Variants in LRATD1 observed in about 807,000 individuals in gnomAD.
LRATD1 encodes protein LRATD1.
LRATD1 carries 8 observed loss-of-function variants against 21.3 expected under a neutral mutation model. The observed-to-expected ratio is 0.38, with a 90% CI of 0.22 to 0.68. The LOEUF (loss-of-function observed/expected upper bound fraction) is 0.68, where lower values mean the gene tolerates loss of function less well. Among genes scored for constraint, LRATD1 ranks in the 30% least tolerant of loss-of-function variants. LRATD1 has a pLI of 0.54. For synonymous variants in LRATD1, 210 were observed against 186.2 expected (o/e 1.13, Z -1.04); for missense variants, 380 against 404.0 (o/e 0.94, Z 0.51).
Position 14,635,618 on chromosome 2 carries a change from C to T in LRATD1, c.*760C>T, listed in dbSNP as rs1260580949. The T allele has an allele frequency of 6.4e-6, 3 of 470,872 alleles. No homozygotes were observed. Among genetic ancestry groups the T allele is most frequent in the Admixed American group, 4.7e-5 (2 of 42,566 alleles). 29.2% of individuals were successfully genotyped at this position (470,872 alleles called of 1,614,324 possible). A position where few individuals can be genotyped will look rare whatever the true frequency, so the allele number is the denominator to read the frequency against. On this transcript the variant is annotated 3_prime_UTR_variant, in exon 2 of 2. Coordinates refer to ENST00000295092, the MANE Select transcript of LRATD1 (RefSeq NM_145175.4). ...GGCAGAAGGGAAGCCGGCCCGGTCC[C>T]GGGAGGAAGATGGCGCTGCGAATTC...
chr2:14,633,887 C>A lies in LRATD1; in HGVS notation c.-36-57C>A. ...GGGCACTGCACGTCTTGGGGAGGGA[C>A]ACCGAAAGGGGCAGCCCGGACTCTG... On this transcript the variant is annotated intron_variant, in intron 1 of 1. Coordinates refer to ENST00000295092, the MANE Select transcript of LRATD1 (RefSeq NM_145175.4). This position sits in a 1 kb window ranked among gnomAD's most constrained non-coding sequence, Gnocchi z 7.5. 1 of 1,472,262 alleles carries A rather than the reference C, an allele frequency of 6.8e-7. No homozygotes were observed. The highest frequency in any genetic ancestry group is 9.1e-7 in the Non-Finnish European group (1 of 1,094,512). 91.2% of individuals were successfully genotyped at this position (1,472,262 alleles called of 1,614,324 possible). A position where few individuals can be genotyped will look rare whatever the true frequency, so the allele number is the denominator to read the frequency against.
Position 14,633,923 on chromosome 2 carries a change from T to TGCCTCTCTGTGCCTCC in LRATD1, c.-36-18_-36-3dup. 6.4e-7 allele frequency: 1 copy of TGCCTCTCTGTGCCTCC among 1,561,558 alleles called. No homozygotes were observed. Among genetic ancestry groups the TGCCTCTCTGTGCCTCC allele is most frequent in the Non-Finnish European group, 8.7e-7 (1 of 1,150,084 alleles). On this transcript the variant is annotated intron_variant, in intron 1 of 1. Coordinates refer to ENST00000295092, the MANE Select transcript of LRATD1 (RefSeq NM_145175.4). The surrounding 1 kb of genome is among the most constrained non-coding windows in gnomAD (Gnocchi z 7.5). ...GCAGCCCGGACTCTGACGGTGTCTC[T>TGCCTCTCTGTGCCTCC]GCCTCTCTGTGCCTCCGCAGATCCC...
chr2:14,645,302 A>G (rs1041250907), intron 2 of LRATD1, among the ~76,000 whole-genome samples: 1 of 152,210 alleles, frequency 6.6e-6, no homozygotes, highest in Non-Finnish European at 1.5e-5. Context: ...CATTTACTTT[A>G]AGAAGGAGAA....
Position 14,634,397 on chromosome 2 carries a change from C to A in LRATD1, c.418C>A (p.Pro140Thr). ...GCAGCCCGCGCCGGAGCCGCCCGCG[C>A]CCGCCCCGCACTGGGCCGTCTACGT... Reference protein sequence around the residue: ...WLQPAPEPPAPAPHWAVYVGG... With the variant: ...WLQPAPEPPATAPHWAVYVGG... Residue 140 changes from proline to threonine, a missense_variant, in exon 2 of 2, where the codon CCC (proline) becomes ACC (threonine). By Grantham distance (38) the Pro-to-Thr change is conservative. Coordinates refer to ENST00000295092, the MANE Select transcript of LRATD1 (RefSeq NM_145175.4). 1.3e-6 allele frequency: 2 copies of A among 1,541,060 alleles called. No homozygotes were observed. The highest frequency in any genetic ancestry group is 1.7e-6 in the Non-Finnish European group (2 of 1,147,306).
chr2:14,645,107 G>T (rs1221214660), intron 2 of LRATD1, among the ~76,000 whole-genome samples: 1 of 152,082 alleles, frequency 6.6e-6, no homozygotes, highest in Non-Finnish European at 1.5e-5. Context: ...ATAAATAATT[G>T]AATTTCTTTG....
rs1214281724 is a variant in LRATD1 at position 14,635,025 on chromosome 2, G to C, written c.*167G>C. Reference sequence around the variant, plus strand: ...TGCACCCCCGCATCCCCAAGCCAGCGGCAGGAAGTCTCAGGAACTGCCCCA... The same window carrying C: ...TGCACCCCCGCATCCCCAAGCCAGCCGCAGGAAGTCTCAGGAACTGCCCCA... On this transcript the variant is annotated 3_prime_UTR_variant, in exon 2 of 2. Transcript: ENST00000295092. The C allele has an allele frequency of 5.9e-6, 6 of 1,014,350 alleles. No individual in the cohort carries two copies. Among genetic ancestry groups the C allele is most frequent in the South Asian group, 5.8e-5 (4 of 69,188 alleles). The allele number at this position is 1,014,350 out of a possible 1,614,324, so 62.8% of individuals were successfully genotyped here. A position where few individuals can be genotyped will look rare whatever the true frequency, so the allele number is the denominator to read the frequency against.
chr2:14,633,785 C>A lies in LRATD1; in HGVS notation c.-36-159C>A, dbSNP rs1341993243. The A allele has an allele frequency of 1.1e-5, 8 of 702,834 alleles. No individual in the cohort carries two copies. The highest frequency in any genetic ancestry group is 2.9e-5 in the Admixed American group (1 of 33,938). The allele number at this position is 702,834 out of a possible 1,614,324, so 43.5% of individuals were successfully genotyped here. The stretch of plus-strand genomic sequence containing the variant: ...TGTGGCGGCTTCTCCGCCCCTCGTA[C>A]CCCTGGGGAGGCACGGAGGACTCGG... On this transcript the variant is annotated intron_variant, in intron 1 of 1. Transcript: ENST00000295092. This position sits in a 1 kb window ranked among gnomAD's most constrained non-coding sequence, Gnocchi z 7.5.
At position 14,639,501 on chromosome 2, in the gene LRATD1, T is replaced by C. The variant is rs895721117; in HGVS notation, c.*4643T>C. The C allele has an allele frequency of 3.0e-5, 5 of 166,852 alleles. No homozygotes were observed. The highest frequency in any genetic ancestry group is 1.2e-4 in the African/African-American group (5 of 41,452). 10.3% of individuals were successfully genotyped at this position (166,852 alleles called of 1,614,324 possible). A position where few individuals can be genotyped will look rare whatever the true frequency, so the allele number is the denominator to read the frequency against. ...AGCTAAGATCCTATCTTTCAATCAT[T>C]TAGTAATTCATAAAATCCCATTATT... On this transcript the variant is annotated 3_prime_UTR_variant, in exon 2 of 2. Coordinates refer to ENST00000295092, the MANE Select transcript of LRATD1 (RefSeq NM_145175.4).
In LRATD1 at chr2:14,633,023, G is replaced by T. The variant is rs560746169; in HGVS notation, c.-37+86G>T. 6.6e-6 allele frequency: 1 copy of T among 152,482 alleles called. No homozygotes were observed. Among genetic ancestry groups the T allele is most frequent in the South Asian group, 2.1e-4 (1 of 4,814 alleles). The allele number at this position is 152,482 out of a possible 1,614,324, so 9.4% of individuals were successfully genotyped here. On this transcript the variant is annotated intron_variant, in intron 1 of 1. Transcript: ENST00000295092. The surrounding 1 kb of genome is among the most constrained non-coding windows in gnomAD (Gnocchi z 7.5). Reference sequence around the variant, plus strand: ...CCTGTGCTGGGTAGGAGGGAGAGGGGTCTTTGGGCTAAAAGTGAACCTCTC... The same window carrying T: ...CCTGTGCTGGGTAGGAGGGAGAGGGTTCTTTGGGCTAAAAGTGAACCTCTC...
In LRATD1 at chr2:14,636,600, T is replaced by A. The variant is rs1671692678; in HGVS notation, c.*1742T>A. ...CCAGCTGCGGCCCCAGCCTAACTGA[T>A]AGTTACTTGATTCAGTGTGCTAGAC... On this transcript the variant is annotated 3_prime_UTR_variant, in exon 2 of 2. Transcript: ENST00000295092. 1 of 167,156 alleles carries A rather than the reference T, an allele frequency of 6.0e-6. No individual in the cohort carries two copies. Among genetic ancestry groups the A allele is most frequent in the Non-Finnish European group, 1.5e-5 (1 of 68,138 alleles). 10.4% of individuals were successfully genotyped at this position (167,156 alleles called of 1,614,324 possible). A position where few individuals can be genotyped will look rare whatever the true frequency, so the allele number is the denominator to read the frequency against.
Position 14,634,039 on chromosome 2 carries a change from C to T in LRATD1, c.60C>T (p.Asp20=), listed in dbSNP as rs1354404817. ...HLNYSELPTG[D]PSGIEKDELR... is the part of the protein sequence containing the mutation. The stretch of plus-strand genomic sequence containing the variant: ...ACTACAGCGAGTTGCCCACAGGGGA[C>T]CCGTCGGGGATTGAAAAGGACGAAC... The change falls in exon 2 of 2, where the codon GAC becomes GAT. Residue 20 remains aspartate, a synonymous_variant. Transcript: ENST00000295092. 2.5e-6 allele frequency: 4 copies of T among 1,614,086 alleles called. No individual in the cohort carries two copies. Among genetic ancestry groups the T allele is most frequent in the South Asian group, 1.1e-5 (1 of 91,084 alleles).
rs1451931289 is a variant in LRATD1 at position 14,634,751 on chromosome 2, A to G, written c.772A>G (p.Arg258Gly). The G allele has an allele frequency of 4.4e-6, 7 of 1,575,588 alleles. No homozygotes were observed. Among genetic ancestry groups the G allele is most frequent in the Non-Finnish European group, 6.0e-6 (7 of 1,157,784 alleles). ...GGGAGAGAACAAGGTCCACACCGCC[A>G]GGTTTCACAGCCTGGAAGACCTCAT... Reference protein sequence around the residue: ...HLGENKVHTARFHSLEDLIRE... With the variant: ...HLGENKVHTAGFHSLEDLIRE... The change falls in exon 2 of 2, where the codon AGG becomes GGG. Residue 258 changes from arginine to glycine, a missense_variant. Coordinates refer to ENST00000295092, the MANE Select transcript of LRATD1 (RefSeq NM_145175.4).
exon 6 of LRATD1, chr2:14,649,556 A>G: frequency 1.7e-5 from 6 of 347,594 alleles, no homozygotes; most frequent in South Asian, 1.1e-4. Context: ...CCAGCACGGG[A>G]GCATAGGCTA....
At chr2:14,643,955 C>T (rs1021130566), downstream of LRATD1, among the ~76,000 whole-genome samples, 28 of 152,064 alleles carry the variant, frequency 1.8e-4, no homozygotes, top group East Asian at 1.9e-4. Flanking sequence ...AGTAGGTCCT[C>T]GATCAATACT....
downstream of LRATD1, among the ~76,000 whole-genome samples, chr2:14,643,085 A>G (rs954526791): frequency 6.6e-6 from 1 of 152,204 alleles, no homozygotes; most frequent in Non-Finnish European, 1.5e-5. Context: ...TTCGAAATCC[A>G]GGTAAATAGA....
rs1005075292 is a variant in LRATD1, at chr2:14,634,678, G to T, written c.699G>T (p.Pro233=). 1.9e-6 allele frequency: 3 copies of T among 1,550,010 alleles called. No homozygotes were observed. The highest frequency in any genetic ancestry group is 2.6e-6 in the Non-Finnish European group (3 of 1,146,920). Residue 233 remains proline, a synonymous_variant, in exon 2 of 2, where the codon CCG becomes CCT. Coordinates refer to ENST00000295092, the MANE Select transcript of LRATD1 (RefSeq NM_145175.4). ...KREFKAGGEV[P]AGTQPPQQQY... ...AGTTCAAGGCGGGAGGGGAGGTGCC[G>T]GCAGGCACGCAGCCCCCGCAGCAGC...
Position 14,632,875 on chromosome 2 carries a change from A to C in LRATD1, c.-99A>C, listed in dbSNP as rs1252056549. On this transcript the variant is annotated 5_prime_UTR_variant, in exon 1 of 2. Coordinates refer to ENST00000295092, the MANE Select transcript of LRATD1 (RefSeq NM_145175.4). The stretch of plus-strand genomic sequence containing the variant: ...ACCCACTCGCCACCGCCGCTTCCTC[A>C]GCACCCATGGGGACCAGGAGACTTT... 1.3e-5 allele frequency: 2 copies of C among 153,112 alleles called. No individual in the cohort carries two copies. Among genetic ancestry groups the C allele is most frequent in the Non-Finnish European group, 2.9e-5 (2 of 68,760 alleles). The allele number at this position is 153,112 out of a possible 1,614,324, so 9.5% of individuals were successfully genotyped here. A position where few individuals can be genotyped will look rare whatever the true frequency, so the allele number is the denominator to read the frequency against.
At position 14,635,232 on chromosome 2, in the gene LRATD1, A is replaced by C; in HGVS notation, c.*374A>C. ...CCAGTGACTGTGGCCCGACTCGAAA[A>C]CAACCCTCTTCTCAAAAGGGACCAT... On this transcript the variant is annotated 3_prime_UTR_variant, in exon 2 of 2. Coordinates refer to ENST00000295092, the MANE Select transcript of LRATD1 (RefSeq NM_145175.4). 1.8e-6 allele frequency: 1 copy of C among 550,048 alleles called. No homozygotes were observed. The highest frequency in any genetic ancestry group is 3.6e-6 in the Non-Finnish European group (1 of 278,448). The allele number at this position is 550,048 out of a possible 1,614,324, so 34.1% of individuals were successfully genotyped here. A position where few individuals can be genotyped will look rare whatever the true frequency, so the allele number is the denominator to read the frequency against.
downstream of LRATD1, among the ~76,000 whole-genome samples, chr2:14,641,381 G>T (rs1671804108): frequency 6.6e-6 from 1 of 152,098 alleles, no homozygotes; most frequent in Admixed American, 6.6e-5. Flanking sequence ...GTACTCTCTT[G>T]ATTCTATTTT....
Sources: allele counts gnomAD v4.1 joint callset (sites outside exome capture counted in the v4.1 genomes callset), GRCh38; gene constraint gnomAD v4.1.1; non-coding constraint Gnocchi (gnomAD v3.1); transcripts MANE v1.5; gene names NCBI Gene and HGNC (gene_info 2026-07-23, HGNC 2026-07-21).